DARS1: variants seen among roughly 807,000 people sequenced by gnomAD.
DARS1 encodes the protein aspartyl-tRNA synthetase 1.
A neutral mutation model predicts 68.8 loss-of-function variants in DARS1; 51 were observed. The observed-to-expected ratio is 0.74, with a 90% confidence interval of 0.59 to 0.94. DARS1 has a LOEUF of 0.94. DARS1 is among the 40% of genes least tolerant of loss of function. The pLI, the probability that DARS1 is intolerant of heterozygous loss-of-function variation, is 0.00. For missense variants in DARS1, 607 were observed against 597.3 expected, an observed-to-expected ratio of 1.02 and a Z score of -0.17; for synonymous variants, 203 against 190.4, an observed-to-expected ratio of 1.07 and a Z score of -0.55.
intron 3 of DARS1, chr2:135,978,990 T>A: frequency 3.9e-6 from 1 of 256,288 alleles, no homozygotes; most frequent in Non-Finnish European, 7.3e-6. Context: ...TTTTTTTAGC[T>A]ACTCCTTCTC....
At chr2:135,920,983 C>T (rs1402800588) in intron 9 of DARS1, among the ~76,000 whole-genome samples, 5 of 151,528 alleles carry the variant, frequency 3.3e-5, no homozygotes, top group South Asian at 2.1e-4. Flanking sequence ...AAGTAACATA[C>T]GTATTCCATT....
chr2:135,936,448 C>T (rs970477084), intron 5 of DARS1, among the ~76,000 whole-genome samples: 5 of 151,814 alleles, frequency 3.3e-5, no homozygotes, highest in African/African-American at 7.2e-5. Context: ...CAGGCTAGAG[C>T]GCAGTGGTGT....
chr2:135,956,296 T>TA (rs1681974541), intron 4 of DARS1, among the ~76,000 whole-genome samples: 1 of 152,162 alleles, frequency 6.6e-6, no homozygotes, highest in Non-Finnish European at 1.5e-5. Flanking sequence ...AGTGGAAACT[T>TA]AGACCCAAAG....
Position 135,906,185 on chromosome 2 carries a change from G to A in DARS1, c.*1131C>T, listed in dbSNP as rs1680776139. Among the ~76,000 whole-genome samples, 1 of 152,060 alleles carries A rather than the reference G, an allele frequency of 6.6e-6. No homozygotes were observed. The highest frequency in any genetic ancestry group is 2.4e-5 in the African/African-American group (1 of 41,396). On this transcript the variant is annotated 3_prime_UTR_variant, in exon 16 of 16. Transcript: ENST00000264161. ...TAATGGGCAGATGTTCGTGGTCCAGGGGTAACTTCCTAACTTTTTGACCCT... is the reference window on the plus strand; with the variant it reads ...TAATGGGCAGATGTTCGTGGTCCAGAGGTAACTTCCTAACTTTTTGACCCT...
At chr2:135,922,985 G>A (rs1681138041) in intron 8 of DARS1, 67 bp from the exon 9 acceptor site, 18 of 1,315,046 alleles carry the variant, frequency 1.4e-5, no homozygotes, top group Non-Finnish European at 1.6e-5. Context: ...CAAACCTCTA[G>A]TTAAAAAGTT....
At chr2:135,939,756 G>A (rs994629041) in intron 5 of DARS1, among the ~76,000 whole-genome samples, 6 of 151,436 alleles carry the variant, frequency 4.0e-5, no homozygotes, top group Non-Finnish European at 5.9e-5. Context: ...CTGACAGACC[G>A]CTAGCAAGAC....
upstream of DARS1, chr2:135,985,663 T>G: frequency 2.2e-6 from 3 of 1,383,446 alleles, no homozygotes; most frequent in Non-Finnish European, 2.9e-6. Flanking sequence ...CCCGGAGCGC[T>G]GGCGGCCGCG....
chr2:135,983,466 G>T lies in DARS1; in HGVS notation c.67-12C>A. The T allele has an allele frequency of 1.0e-6, 1 of 996,920 alleles. No individual in the cohort carries two copies. The highest frequency in any genetic ancestry group is 1.6e-6 in the Non-Finnish European group (1 of 637,218). The allele number at this position is 996,920 out of a possible 1,614,324, so 61.8% of individuals were successfully genotyped here. A position where few individuals can be genotyped will look rare whatever the true frequency, so the allele number is the denominator to read the frequency against. ...TCTTTAGCATAATCCTACAAAAAAAGTTTTTTGCATCGTGACTTTTTATGT... is the reference window on the plus strand; with the variant it reads ...TCTTTAGCATAATCCTACAAAAAAATTTTTTTGCATCGTGACTTTTTATGT... On this transcript the variant is annotated splice_polypyrimidine_tract_variant and intron_variant, in intron 1 of 15. Coordinates refer to ENST00000264161, the MANE Select transcript of DARS1 (RefSeq NM_001349.4).
intron 3 of DARS1, among the ~76,000 whole-genome samples, 182 bp from the exon 4 acceptor site, chr2:135,961,680 C>A (rs1682105203): frequency 6.6e-6 from 1 of 152,168 alleles, no homozygotes; most frequent in South Asian, 2.1e-4. Flanking sequence ...ACTGACAACC[C>A]TTAAAGAAAC....
intron 2 of DARS1, among the ~76,000 whole-genome samples, chr2:135,982,090 A>G (rs1682644762): frequency 1.3e-5 from 2 of 152,240 alleles, no homozygotes; most frequent in South Asian, 4.1e-4. Flanking sequence ...CAGTGCTTCC[A>G]ATGGGCAAGA....
chr2:135,975,172 G>A (rs1682467386), intron 3 of DARS1, among the ~76,000 whole-genome samples: 2 of 151,468 alleles, frequency 1.3e-5, no homozygotes, highest in African/African-American at 2.4e-5. Flanking sequence ...GTGAAACCCC[G>A]TCTCTACTAA....
chr2:135,915,398 T>C (rs1680983404), intron 11 of DARS1, among the ~76,000 whole-genome samples: 1 of 152,176 alleles, frequency 6.6e-6, no homozygotes, highest in Non-Finnish European at 1.5e-5. Flanking sequence ...GTGATCCAAT[T>C]GCCTCAGCCT....
At chr2:135,940,882 C>A (rs1440841504) in intron 5 of DARS1, among the ~76,000 whole-genome samples, 1 of 152,060 alleles carries the variant, frequency 6.6e-6, no homozygotes, top group Admixed American at 6.6e-5. Flanking sequence ...AAACAGAGAG[C>A]CAAATCATGA....
chr2:135,954,765 T>C (rs1681927901), intron 4 of DARS1, among the ~76,000 whole-genome samples: 1 of 152,190 alleles, frequency 6.6e-6, no homozygotes, highest in Non-Finnish European at 1.5e-5. Context: ...GGGTTTTCCA[T>C]GACCTTTCAT....
At chr2:135,932,594 T>G (rs1681375284) in intron 7 of DARS1, among the ~76,000 whole-genome samples, 189 bp downstream of exon 7, 1 of 152,228 alleles carries the variant, frequency 6.6e-6, no homozygotes, top group Non-Finnish European at 1.5e-5. Context: ...TAACTAGTAT[T>G]TAACCGCTCC....
intron 4 of DARS1, among the ~76,000 whole-genome samples, chr2:135,953,603 T>C (rs1364485199): frequency 6.6e-6 from 1 of 152,228 alleles, no homozygotes; most frequent in Non-Finnish European, 1.5e-5. Flanking sequence ...TTAGGTTTCA[T>C]GTTTTTAACT....
chr2:135,960,863 T>C (rs1199100292), intron 4 of DARS1, among the ~76,000 whole-genome samples: 2 of 152,204 alleles, frequency 1.3e-5, no homozygotes, highest in Non-Finnish European at 2.9e-5. Context: ...GCCCAGACTT[T>C]TACAGGAGGA....
chr2:135,975,084 C>G (rs1312817805), intron 3 of DARS1, among the ~76,000 whole-genome samples: 1 of 152,154 alleles, frequency 6.6e-6, no homozygotes, highest in Admixed American at 6.5e-5. Flanking sequence ...GTGGCTCACG[C>G]CTGTAATCCC....
chr2:135,916,201 T>TA (rs768305063), intron 11 of DARS1, 25 bp downstream of exon 11: 659 of 1,416,258 alleles, frequency 4.7e-4, no homozygotes, highest in Non-Finnish European at 5.8e-4. Context: ...GAACTTAAAG[T>TA]AAAAAAAAAG....
Sources: gnomAD v4.1 joint callset for allele counts (sites outside exome capture counted in the v4.1 genomes callset) on GRCh38, gnomAD v4.1.1 for gene constraint, MANE v1.5 for transcripts, NCBI Gene and HGNC (gene_info 2026-07-23, HGNC 2026-07-21) for gene names.